The following RBM14 variants were observed in gnomAD, a reference collection of about 807,000 sequenced individuals.
RBM14 encodes the protein RNA-binding protein 14.
In RBM14, 5 loss-of-function variants were observed where a neutral mutation model predicts 52.8. The observed-to-expected ratio is 0.09, with a 90% CI of 0.05 to 0.20. The LOEUF (loss-of-function observed/expected upper bound fraction) is 0.20. Ranked by LOEUF, RBM14 falls within the 10% of genes least tolerant of loss-of-function variation. RBM14 has a pLI of 1.00. For missense variants in RBM14, 780 were observed against 926.6 expected (o/e 0.84, Z 2.05); for synonymous variants, 411 against 401.8 (o/e 1.02, Z -0.28).
chr11:66,628,630 G>C lies in RBM14; in HGVS notation c.*1962G>C, dbSNP rs1937922312. On this transcript the variant is annotated 3_prime_UTR_variant, in exon 3 of 3. Transcript: ENST00000310137. The stretch of plus-strand genomic sequence containing the variant: ...CTCCTTTTTATTTCTTTGCAGGACT[G>C]GGAAAGCATGGGAGGAGGATTTTGA... 6.6e-6 allele frequency among the ~76,000 whole-genome samples: 1 copy of C among 152,104 alleles called. No individual in the cohort carries two copies. Among genetic ancestry groups the C allele is most frequent in the African/African-American group, 2.4e-5 (1 of 41,394 alleles).
chr11:66,618,535 G>T (rs1858951517), intron 1 of RBM14: 1 of 717,474 alleles, frequency 1.4e-6, no homozygotes, highest in African/African-American at 1.7e-5. Context: ...GGGCTTTCCT[G>T]CTGGGTGCTC....
Position 66,625,775 on chromosome 11 carries a change from C to T in RBM14, c.1802+97C>T, listed in dbSNP as rs771094644. 1.8e-5 allele frequency: 17 copies of T among 934,584 alleles called. No individual in the cohort carries two copies. The highest frequency in any genetic ancestry group is 1.9e-5 in the Non-Finnish European group (12 of 633,918). 57.9% of individuals were successfully genotyped at this position (934,584 alleles called of 1,614,324 possible). On this transcript the variant is annotated intron_variant, in intron 2 of 2. Coordinates refer to ENST00000310137, the MANE Select transcript of RBM14 (RefSeq NM_006328.4). This position sits in a 1 kb window ranked among gnomAD's most constrained non-coding sequence, Gnocchi z 4.2. ...AAACTGGAGGCATCGGCCCCTCCCTCGGTCTTCTCTTCTCTATTTTTGTGG... is the reference window on the plus strand; with the variant it reads ...AAACTGGAGGCATCGGCCCCTCCCTTGGTCTTCTCTTCTCTATTTTTGTGG...
Position 66,628,087 on chromosome 11 carries a change from A to G in RBM14, c.*1419A>G, listed in dbSNP as rs1017585073. ...TAGAATCTGGGAAAGGGTGGGGTGC[A>G]AGCTAACCAAATAGGGATGCTAGGG... On this transcript the variant is annotated 3_prime_UTR_variant, in exon 3 of 3. Transcript: ENST00000310137. Among the ~76,000 whole-genome samples, 2 of 152,086 alleles carry G rather than the reference A, an allele frequency of 1.3e-5. No homozygotes were observed. Among genetic ancestry groups the G allele is most frequent in the Admixed American group, 1.3e-4 (2 of 15,254 alleles).
At position 66,628,494 on chromosome 11, in the gene RBM14, T is replaced by C. The variant is rs924864582; in HGVS notation, c.*1826T>C. Among the ~76,000 whole-genome samples, 2 of 133,238 alleles carry C rather than the reference T, an allele frequency of 1.5e-5. No individual in the cohort carries two copies. Among genetic ancestry groups the C allele is most frequent in the Admixed American group, 1.7e-4 (2 of 11,512 alleles). 87.4% of individuals were successfully genotyped at this position (133,238 alleles called of 152,430 possible). The stretch of plus-strand genomic sequence containing the variant: ...GCAAAAGCATTCGATCTTATGACCG[T>C]GAGTTCTTATTTGTGGATGCTAACT... On this transcript the variant is annotated 3_prime_UTR_variant, in exon 3 of 3. Transcript: ENST00000310137.
rs777677688 is a variant in RBM14 at position 66,626,632 on chromosome 11, G to A, written c.1974G>A (p.Ala658=). The change falls in exon 3 of 3, where the codon GCG becomes GCA. Residue 658 remains alanine (A), a synonymous_variant. Coordinates refer to ENST00000310137, the MANE Select transcript of RBM14 (RefSeq NM_006328.4). Reference sequence around the variant, plus strand: ...GCTCCTATAATGATTACCTGCGGGCGGCTCAGATGCACTCTGGCTACCAGC... The same window carrying A: ...GCTCCTATAATGATTACCTGCGGGCAGCTCAGATGCACTCTGGCTACCAGC... ...YSGSYNDYLR[A]AQMHSGYQRR... is the part of the protein sequence containing the mutation. The A allele has an allele frequency of 3.7e-6, 6 of 1,612,014 alleles. No homozygotes were observed. The highest frequency in any genetic ancestry group is 1.3e-5 in the African/African-American group (1 of 75,028).
At chr11:66,619,841 C>T (rs1364508557) in intron 1 of RBM14, among the ~76,000 whole-genome samples, 2 of 152,390 alleles carry the variant, frequency 1.3e-5, no homozygotes, top group East Asian at 3.9e-4. Flanking sequence ...GCTGGGATTA[C>T]AGGCGCAAGC....
At position 66,625,356 on chromosome 11, in the gene RBM14, G is replaced by T. The variant is rs779891960; in HGVS notation, c.1480G>T (p.Ala494Ser). 3 of 1,606,688 alleles carry T rather than the reference G, an allele frequency of 1.9e-6. No individual in the cohort carries two copies. Among genetic ancestry groups the T allele is most frequent in the Middle Eastern group, 3.3e-4 (2 of 5,976 alleles). ...CTATGGGGCTCAGTCGGCTGCTGCG[G>T]CCACTGGCTCCTATGGTGCCGCAGC... is the stretch of plus-strand genomic sequence containing the variant. ...GSYGAQSAAA[A>S]TGSYGAAAAY... is the part of the protein sequence containing the mutation. The change falls in exon 2 of 3, where the codon GCC becomes TCC. Residue 494 changes from alanine (A) to serine (S), a missense_variant. By Grantham distance (99) the Ala-to-Ser change is moderately conservative (BLOSUM62 1). Around this residue, in one of 4 missense-constraint regions of RBM14, gnomAD observed 675 missense variants for 697.3 expected, o/e 0.97. Coordinates refer to ENST00000310137, the MANE Select transcript of RBM14 (RefSeq NM_006328.4). This position sits in a 1 kb window ranked among gnomAD's most constrained non-coding sequence, Gnocchi z 4.2.
In RBM14 at chr11:66,626,607, G is replaced by A; in HGVS notation, c.1949G>A (p.Gly650Asp). Reference protein sequence around the residue: ...DAHSDYARYSGSYNDYLRAAQ... With the variant: ...DAHSDYARYSDSYNDYLRAAQ... ...CATTCCGATTACGCACGCTATTCGGGCTCCTATAATGATTACCTGCGGGCG... is the reference window on the plus strand; with the variant it reads ...CATTCCGATTACGCACGCTATTCGGACTCCTATAATGATTACCTGCGGGCG... Residue 650 changes from glycine (G) to aspartate (D), a missense_variant, in exon 3 of 3, where the codon GGC becomes GAC. Coordinates refer to ENST00000310137, the MANE Select transcript of RBM14 (RefSeq NM_006328.4). 1 of 1,613,580 alleles carries A rather than the reference G, an allele frequency of 6.2e-7. No individual in the cohort carries two copies. The highest frequency in any genetic ancestry group is 1.7e-5 in the Admixed American group (1 of 60,006).
rs1229733779 is a variant in RBM14 at position 66,620,780 on chromosome 11, C to T, written c.338-3434C>T. On this transcript the variant is annotated intron_variant, in intron 1 of 2. Coordinates refer to ENST00000310137, the MANE Select transcript of RBM14 (RefSeq NM_006328.4). ...AGCCCATGGAAGTTTTTGTCTCATTCTAGTGTCAGGAAGTTGTGGATAGAA... is the reference window on the plus strand; with the variant it reads ...AGCCCATGGAAGTTTTTGTCTCATTTTAGTGTCAGGAAGTTGTGGATAGAA... 3.9e-5 allele frequency: 6 copies of T among 152,162 alleles called. No homozygotes were observed. The East Asian group carries it at 1.2e-3, about 29-fold the overall frequency. 9.4% of individuals were successfully genotyped at this position (152,162 alleles called of 1,614,324 possible).
At chr11:66,617,683 T>A in intron 1 of RBM14, 2 of 516,170 alleles carry the variant, frequency 3.9e-6, no homozygotes, top group Non-Finnish European at 5.0e-6. Flanking sequence ...CAATATTAGG[T>A]AGGTTAGGCG....
chr11:66,624,428 C>T lies in RBM14; in HGVS notation c.552C>T (p.Thr184=), dbSNP rs2135020073. The T allele has an allele frequency of 3.7e-6, 6 of 1,614,138 alleles. No individual in the cohort carries two copies. In the South Asian group the frequency reaches 4.4e-5, roughly 12 times the overall value. ...CTGGAACTGGTGGCTTCTCTGCCAC[C>T]TTCGACTACCAGCAGGCTTTTGGCA... ...AFPGTGGFSA[T]FDYQQAFGNS... The change falls in exon 2 of 3, where the codon ACC becomes ACT. Residue 184 remains threonine (T), a synonymous_variant. Coordinates refer to ENST00000310137, the MANE Select transcript of RBM14 (RefSeq NM_006328.4). The surrounding 1 kb of genome is among the most constrained non-coding windows in gnomAD (Gnocchi z 4.7).
At chr11:66,618,595 G>C (rs1565068118) in intron 1 of RBM14, 4 of 716,952 alleles carry the variant, frequency 5.6e-6, no homozygotes, top group Non-Finnish European at 5.2e-6. Context: ...TAGAGTAAAA[G>C]AGTGGTGGGG....
At chr11:66,622,338 TCTC>T (rs1180787975) in intron 1 of RBM14, among the ~76,000 whole-genome samples, 1 of 151,916 alleles carries the variant, frequency 6.6e-6, no homozygotes, top group Non-Finnish European at 1.5e-5. Flanking sequence ...TTCAAGTGAT[TCTC>T]CTGCCCCAGA....
chr11:66,618,641 G>C, intron 1 of RBM14: 1 of 711,300 alleles, frequency 1.4e-6, no homozygotes, highest in Non-Finnish European at 2.6e-6. Flanking sequence ...CAGCAAAAGG[G>C]TGGGGTATAT....
intron 1 of RBM14, among the ~76,000 whole-genome samples, chr11:66,621,379 GTTC>G (rs1251343206): frequency 5.9e-5 from 9 of 151,564 alleles, no homozygotes; most frequent in Non-Finnish European, 1.2e-4. Context: ...AATTCATTTT[GTTC>G]TTTTTTTTTT....
chr11:66,621,169 C>T (rs1045969927), intron 1 of RBM14, among the ~76,000 whole-genome samples: 2 of 151,760 alleles, frequency 1.3e-5, no homozygotes, highest in Admixed American at 1.3e-4. Context: ...CCATTCCTGG[C>T]CCAGCCTCTG....
chr11:66,621,919 T>G (rs1285980483), intron 1 of RBM14, among the ~76,000 whole-genome samples: 1 of 152,036 alleles, frequency 6.6e-6, no homozygotes, highest in Non-Finnish European at 1.5e-5. Context: ...GTAAGTTTCT[T>G]TTTATTTTTT....
Position 66,625,016 on chromosome 11 carries a change from GGCAGCCTCCTATGGGGCCCAGTCT to G in RBM14, c.1151_1174del (p.Tyr384_Ser391del). 5.6e-6 allele frequency: 9 copies of G among 1,613,512 alleles called. No individual in the cohort carries two copies. Among genetic ancestry groups the G allele is most frequent in the Non-Finnish European group, 7.6e-6 (9 of 1,179,672 alleles). On this transcript the variant is annotated inframe_deletion, in exon 2 of 3. Coordinates refer to ENST00000310137, the MANE Select transcript of RBM14 (RefSeq NM_006328.4). This position sits in a 1 kb window ranked among gnomAD's most constrained non-coding sequence, Gnocchi z 4.2. Reference sequence around the variant, plus strand: ...CCTCCTTAGGCTCCTACGGGGCTCAGGCAGCCTCCTATGGGGCCCAGTCTGCAGCCTCCTCACTAGCTTATGGAG... The same window carrying G: ...CCTCCTTAGGCTCCTACGGGGCTCAGGCAGCCTCCTCACTAGCTTATGGAG...
In RBM14 at chr11:66,628,756, G is replaced by A. The variant is rs1316770813; in HGVS notation, c.*2088G>A. Among the ~76,000 whole-genome samples, 1 of 152,130 alleles carries A rather than the reference G, an allele frequency of 6.6e-6. No homozygotes were observed. Among genetic ancestry groups the A allele is most frequent in the Non-Finnish European group, 1.5e-5 (1 of 68,014 alleles). ...TGGAAAATTGAGGGTTGATGGTAGG[G>A]TTATGATTGTGGCCTGTGTATTTGC... On this transcript the variant is annotated 3_prime_UTR_variant, in exon 3 of 3. Coordinates refer to ENST00000310137, the MANE Select transcript of RBM14 (RefSeq NM_006328.4).
Sources: allele counts gnomAD v4.1 joint callset (sites outside exome capture counted in the v4.1 genomes callset), GRCh38; gene constraint gnomAD v4.1.1; regional missense constraint gnomAD v4.1.1; non-coding constraint Gnocchi (gnomAD v3.1); transcripts MANE v1.5; gene names NCBI Gene and HGNC (gene_info 2026-07-23, HGNC 2026-07-21).